The following ALOX5 variants were observed in gnomAD, a reference collection of about 807,000 sequenced individuals.
ALOX5 encodes the protein polyunsaturated fatty acid 5-lipoxygenase.
In ALOX5, 64 loss-of-function variants were observed where a neutral mutation model predicts 87.9. The observed-to-expected ratio is 0.73, with a 90% CI of 0.60 to 0.90. ALOX5 has a LOEUF of 0.90. ALOX5 is among the 40% of genes least tolerant of loss of function. ALOX5 has a pLI of 0.00. For missense variants in ALOX5, 822 were observed against 907.5 expected, an observed-to-expected ratio of 0.91 and a Z score of 1.21; for synonymous variants, 388 against 355.1, an observed-to-expected ratio of 1.09 and a Z score of -1.04.
rs771424855 is a variant in ALOX5, at chr10:45,425,104, G to A, written c.806G>A (p.Arg269Gln). The part of the protein sequence containing the change: ...TTEMVECSLE[R>Q]QLSLEQEVQQ... ...GAGATGGTAGAGTGCAGCCTGGAGC[G>A]GCAGCTCAGCTTGGAGCAGGAGGTC... is the stretch of plus-strand genomic sequence containing the variant. Residue 269 changes from arginine (R) to glutamine (Q), a missense_variant, in exon 6 of 14, where the codon CGG (arginine) becomes CAG (glutamine). By Grantham distance (43) the Arg-to-Gln change is conservative (BLOSUM62 1). Transcript: ENST00000374391. This position sits in a 1 kb window ranked among gnomAD's most constrained non-coding sequence, Gnocchi z 4.4. The A allele has an allele frequency of 1.8e-5, 29 of 1,613,776 alleles. No homozygotes were observed. The highest frequency in any genetic ancestry group is 4.0e-5 in the African/African-American group (3 of 74,936).
intron 4 of ALOX5, 34 bp downstream of exon 4, chr10:45,412,347 C>T: frequency 6.2e-7 from 1 of 1,611,646 alleles, no homozygotes; most frequent in Non-Finnish European, 8.5e-7. Context: ...CTCTGGGCAG[C>T]CCCTCCAGTG....
At chr10:45,426,687 G>T (rs1391004173) in intron 6 of ALOX5, among the ~76,000 whole-genome samples, 1 of 152,208 alleles carries the variant, frequency 6.6e-6, no homozygotes, top group African/African-American at 2.4e-5. Context: ...TTTAATCCAA[G>T]AACTCTATTG....
Position 45,443,018 on chromosome 10 carries a change from C to A in ALOX5, c.1273-20C>A. ...TGTGGGAGGAGCCACCCGCTCAGGG[C>A]ACTCTACCTCCCACTCCAGGCCAAC... On this transcript the variant is annotated intron_variant, in intron 9 of 13. Coordinates refer to ENST00000374391, the MANE Select transcript of ALOX5 (RefSeq NM_000698.5). 6.2e-7 allele frequency: 1 copy of A among 1,604,214 alleles called. No homozygotes were observed.
intron 3 of ALOX5, among the ~76,000 whole-genome samples, chr10:45,404,953 C>G (rs1270522228): frequency 6.6e-6 from 1 of 152,216 alleles, no homozygotes; most frequent in Non-Finnish European, 1.5e-5. Flanking sequence ...TGTTTTCATT[C>G]TTGCGTGTGA....
intron 3 of ALOX5, among the ~76,000 whole-genome samples, chr10:45,407,478 A>G (rs2132748404): frequency 6.6e-6 from 1 of 152,154 alleles, no homozygotes; most frequent in South Asian, 2.1e-4. Context: ...TATTTGCGAA[A>G]GTTAAGGACG....
At chr10:45,398,142 T>C (rs940551186) in intron 3 of ALOX5, among the ~76,000 whole-genome samples, 1 of 152,222 alleles carries the variant, frequency 6.6e-6, no homozygotes. Flanking sequence ...GGCATAAGGA[T>C]AGATATATAG....
chr10:45,413,277 G>T (rs1205013149), intron 4 of ALOX5, among the ~76,000 whole-genome samples: 2 of 152,174 alleles, frequency 1.3e-5, no homozygotes, highest in Admixed American at 6.5e-5. Flanking sequence ...GGGATGGAAG[G>T]CTGGTTCAAC....
intron 1 of ALOX5, among the ~76,000 whole-genome samples, chr10:45,374,706 G>T (rs947443484): frequency 6.6e-6 from 1 of 152,226 alleles, no homozygotes; most frequent in African/African-American, 2.4e-5. Context: ...CGCCTGCAAG[G>T]CGTCTTCCCT....
chr10:45,389,998 A>T (rs1364762128), intron 2 of ALOX5, among the ~76,000 whole-genome samples: 1 of 152,228 alleles, frequency 6.6e-6, no homozygotes, highest in Non-Finnish European at 1.5e-5. Context: ...GATTGGAGGA[A>T]GATCTACCAA....
intron 7 of ALOX5, among the ~76,000 whole-genome samples, chr10:45,435,355 A>G (rs1001599939): frequency 1.3e-5 from 2 of 151,596 alleles, no homozygotes; most frequent in Admixed American, 6.6e-5. Context: ...TTAGGCTTCT[A>G]TTGAACCCAT....
chr10:45,443,069 A>G lies in ALOX5; in HGVS notation c.1304A>G (p.Gln435Arg), dbSNP rs753942816. ...GCCACAGGGGGCGGTGGGCACGTGC[A>G]GATGGTGCAGAGGGCCATGAAGGAC... ...ANATGGGGHV[Q>R]MVQRAMKDLT... Residue 435 changes from glutamine to arginine, a missense_variant, in exon 10 of 14, where the codon CAG becomes CGG. Physicochemically the swap from Gln to Arg is conservative, Grantham distance 43 (BLOSUM62 1). Coordinates refer to ENST00000374391, the MANE Select transcript of ALOX5 (RefSeq NM_000698.5). 3.7e-5 allele frequency: 60 copies of G among 1,613,390 alleles called. No individual in the cohort carries two copies. The highest frequency in any genetic ancestry group is 4.9e-5 in the Non-Finnish European group (58 of 1,179,904).
chr10:45,442,087 A>T (rs1232425717), intron 9 of ALOX5, among the ~76,000 whole-genome samples: 3 of 152,188 alleles, frequency 2.0e-5, no homozygotes, highest in Non-Finnish European at 4.4e-5. Flanking sequence ...CTGCAGCTGG[A>T]CAAGACATGC....
chr10:45,444,384 G>C (rs1842365625), intron 13 of ALOX5, 98 bp downstream of exon 13: 2 of 1,416,500 alleles, frequency 1.4e-6, no homozygotes, highest in Non-Finnish European at 1.9e-6. Context: ...GGCTCACTTG[G>C]AGCAAAGGAA....
At chr10:45,411,576 G>A (rs1014520154) in intron 3 of ALOX5, among the ~76,000 whole-genome samples, 14 of 152,220 alleles carry the variant, frequency 9.2e-5, no homozygotes, top group Non-Finnish European at 1.9e-4. Flanking sequence ...CTTGTCTTTG[G>A]GGAAGCTGTT....
chr10:45,388,326 AG>A (rs112615252), intron 2 of ALOX5, among the ~76,000 whole-genome samples: 20,043 of 152,204 alleles, frequency 0.13, 1,585 homozygotes, highest in Non-Finnish European at 0.17. Flanking sequence ...CCTGTCTGAC[AG>A]CTTTGAAGTG....
intron 4 of ALOX5, among the ~76,000 whole-genome samples, chr10:45,413,285 A>C (rs1841142797): frequency 6.6e-6 from 1 of 152,232 alleles, no homozygotes; most frequent in Non-Finnish European, 1.5e-5. Flanking sequence ...AGGCTGGTTC[A>C]ACATACGCAA....
At position 45,425,468 on chromosome 10, in the gene ALOX5, T is replaced by C. The variant is rs1841674230; in HGVS notation, c.834+336T>C. Among the ~76,000 whole-genome samples, 1 of 152,082 alleles carries C rather than the reference T, an allele frequency of 6.6e-6. No homozygotes were observed. The highest frequency in any genetic ancestry group is 2.4e-5 in the African/African-American group (1 of 41,408). ...TGGGACAGGCATTGTGACAGGTGCT[T>C]TACACACAAGGTCATCAGTTGTCAC... is the stretch of plus-strand genomic sequence containing the variant. On this transcript the variant is annotated intron_variant, in intron 6 of 13. Coordinates refer to ENST00000374391, the MANE Select transcript of ALOX5 (RefSeq NM_000698.5). The surrounding 1 kb of genome is among the most constrained non-coding windows in gnomAD (Gnocchi z 4.4).
chr10:45,376,433 G>A (rs1224362377), intron 1 of ALOX5, among the ~76,000 whole-genome samples: 1 of 152,138 alleles, frequency 6.6e-6, no homozygotes, highest in Non-Finnish European at 1.5e-5. Context: ...TCCTGTTGAT[G>A]CAAAGTTACT....
At chr10:45,412,345 A>G in intron 4 of ALOX5, 32 bp downstream of exon 4, 1 of 1,612,186 alleles carries the variant, frequency 6.2e-7, no homozygotes, top group Non-Finnish European at 8.5e-7. Flanking sequence ...GACTCTGGGC[A>G]GCCCCTCCAG....
Sources: gnomAD v4.1 joint callset for allele counts (sites outside exome capture counted in the v4.1 genomes callset) on GRCh38, gnomAD v4.1.1 for gene constraint, Gnocchi (gnomAD v3.1) non-coding constraint, MANE v1.5 for transcripts, NCBI Gene and HGNC (gene_info 2026-07-23, HGNC 2026-07-21) for gene names.